The following DLC1 variants were observed in gnomAD, a reference collection of about 807,000 sequenced individuals.
DLC1 encodes DLC1 Rho GTPase activating protein, also known as rho GTPase-activating protein 7.
DLC1 carries 54 observed loss-of-function variants against 140.3 expected under a neutral mutation model. That is an observed-to-expected ratio of 0.38 (90% CI 0.31 to 0.48). The LOEUF is 0.48. Ranked by LOEUF, DLC1 falls within the 20% of genes least tolerant of loss-of-function variation. The pLI is 0.96. For missense variants in DLC1, 2,536 were observed against 1,907.0 expected, an observed-to-expected ratio of 1.33 and a Z score of -6.14; for synonymous variants, 986 against 728.1, an observed-to-expected ratio of 1.35 and a Z score of -5.70.
chr8:13,453,903 T>C (rs1799270262), intron 2 of DLC1, among the ~76,000 whole-genome samples: 1 of 152,116 alleles, frequency 6.6e-6, no homozygotes, highest in Non-Finnish European at 1.5e-5. Flanking sequence ...AAAACAGAAA[T>C]GCCTTCTTCA....
intron 7 of DLC1, among the ~76,000 whole-genome samples, chr8:13,107,040 G>A (rs1819623673): frequency 6.6e-6 from 1 of 152,162 alleles, no homozygotes. Context: ...CCTTATCATT[G>A]GAATTGCATT....
chr8:13,277,828 A>G (rs1011277194), intron 5 of DLC1, among the ~76,000 whole-genome samples: 9 of 152,150 alleles, frequency 5.9e-5, no homozygotes, highest in Non-Finnish European at 5.9e-5. Flanking sequence ...CACTTTGTAA[A>G]TTTCAAGAAG....
chr8:13,306,555 TG>T (rs1832436831), intron 4 of DLC1, among the ~76,000 whole-genome samples: 2 of 137,536 alleles, frequency 1.5e-5, no homozygotes, highest in Admixed American at 7.6e-5. Context: ...TGTGTGTGTG[TG>T]TTTGTGTGTG....
intron 5 of DLC1, among the ~76,000 whole-genome samples, chr8:13,154,856 C>A (rs773589357): frequency 6.6e-6 from 1 of 152,066 alleles, no homozygotes; most frequent in Non-Finnish European, 1.5e-5. Context: ...TAGAAATAAG[C>A]GCTATTAAAA....
At chr8:13,267,729 AGTGTGTGTGTGTGTGTGT>A (rs58701617) in intron 5 of DLC1, among the ~76,000 whole-genome samples, 34 of 140,404 alleles carry the variant, frequency 2.4e-4, no homozygotes, top group South Asian at 2.4e-4. Flanking sequence ...ATTCCTGAGG[AGTGTGTGTGTGTGTGTGT>A]GTGTGTGTGT....
intron 5 of DLC1, among the ~76,000 whole-genome samples, chr8:13,227,753 A>G (rs1053826641): frequency 5.3e-5 from 8 of 152,164 alleles, no homozygotes; most frequent in African/African-American, 1.9e-4. Flanking sequence ...TGTAATTATA[A>G]CCATGGCCAG....
intron 12 of DLC1, among the ~76,000 whole-genome samples, chr8:13,093,347 G>T (rs998671615): frequency 6.6e-6 from 1 of 152,070 alleles, no homozygotes; most frequent in Non-Finnish European, 1.5e-5. Flanking sequence ...AGTGGGAAAA[G>T]CTGCTAAAAT....
intron 1 of DLC1, among the ~76,000 whole-genome samples, chr8:13,509,424 C>A (rs1464658392): frequency 6.6e-6 from 1 of 152,270 alleles, no homozygotes; most frequent in East Asian, 1.9e-4. Context: ...CTGCTATCAA[C>A]TTTTGTCTTC....
At chr8:13,106,432 G>A (rs1174611401) in intron 7 of DLC1, among the ~76,000 whole-genome samples, 1 of 152,128 alleles carries the variant, frequency 6.6e-6, no homozygotes, top group Non-Finnish European at 1.5e-5. Context: ...ATTGGAGCCT[G>A]GACCTCCTGG....
intron 5 of DLC1, among the ~76,000 whole-genome samples, chr8:13,119,567 C>A (rs1199623596): frequency 6.6e-6 from 1 of 152,140 alleles, no homozygotes; most frequent in Non-Finnish European, 1.5e-5. Flanking sequence ...TTCATTTACA[C>A]CTCACATTGA....
intron 5 of DLC1, among the ~76,000 whole-genome samples, chr8:13,258,452 T>C (rs1044570655): frequency 6.6e-6 from 1 of 152,242 alleles, no homozygotes; most frequent in Non-Finnish European, 1.5e-5. Flanking sequence ...TATATTCCCA[T>C]TTACTTATAA....
intron 5 of DLC1, among the ~76,000 whole-genome samples, chr8:13,189,348 C>A (rs1052795844): frequency 1.3e-5 from 2 of 152,158 alleles, no homozygotes; most frequent in African/African-American, 2.4e-5. Flanking sequence ...TGCTGTGGCT[C>A]ACACCTGTAA....
intron 5 of DLC1, among the ~76,000 whole-genome samples, chr8:13,180,088 T>C (rs2116971151): frequency 6.6e-6 from 1 of 152,324 alleles, no homozygotes; most frequent in South Asian, 2.1e-4. Flanking sequence ...ATCCAGGTAC[T>C]TATCCAAGGG....
intron 3 of DLC1, 118 bp from the exon 4 acceptor site, chr8:13,393,811 G>A (rs779861283): frequency 2.4e-6 from 3 of 1,226,880 alleles, no homozygotes; most frequent in Non-Finnish European, 3.4e-6. Context: ...ATACACTAAA[G>A]AGTTGCTGAC....
At chr8:13,428,835 G>A (rs151173772) in intron 2 of DLC1, among the ~76,000 whole-genome samples, 7 of 152,218 alleles carry the variant, frequency 4.6e-5, no homozygotes, top group East Asian at 1.9e-4. Context: ...TCTTGAAAAC[G>A]TAGAACTAAT....
chr8:13,289,261 G>C (rs942739795), intron 5 of DLC1, among the ~76,000 whole-genome samples: 1 of 152,016 alleles, frequency 6.6e-6, no homozygotes, highest in Admixed American at 6.6e-5. Context: ...GCATGCAGTG[G>C]TGTGATCATA....
chr8:13,567,710 T>G (rs1223244294), intron 1 of DLC1: 1 of 1,552,058 alleles, frequency 6.4e-7, no homozygotes, highest in Non-Finnish European at 8.7e-7. Context: ...ACCAAAGACT[T>G]TCTCACCCGT....
chr8:13,535,653 G>A (rs1239864487), intron 1 of DLC1, among the ~76,000 whole-genome samples: 3 of 140,562 alleles, frequency 2.1e-5, no homozygotes, highest in Non-Finnish European at 4.6e-5. Flanking sequence ...GTGAGGGCGT[G>A]GGGATCATTG....
chr8:13,423,801 A>G (rs1324241151), intron 2 of DLC1, among the ~76,000 whole-genome samples: 1 of 152,174 alleles, frequency 6.6e-6, no homozygotes, highest in Non-Finnish European at 1.5e-5. Context: ...AAATAATTCA[A>G]AATCCGTGTT....
Sources: gnomAD v4.1 joint callset for allele counts (sites outside exome capture counted in the v4.1 genomes callset) on GRCh38, gnomAD v4.1.1 for gene constraint, MANE v1.5 for transcripts, NCBI Gene and HGNC (gene_info 2026-07-23, HGNC 2026-07-21) for gene names.